The following SERPINA12 variants were observed in gnomAD, a reference collection of about 807,000 sequenced individuals.
SERPINA12 encodes the protein serpin family A member 12.
In SERPINA12, 21 loss-of-function variants were observed where a neutral mutation model predicts 25.9. The ratio of observed to expected loss-of-function variants is 0.81; its 90% CI spans 0.58 to 1.17. The LOEUF is 1.17. Among genes scored for constraint, SERPINA12 ranks in the 50% most tolerant of loss-of-function variants. The probability of loss-of-function intolerance (pLI) is 0.00; values close to 1 mark genes in which losing one functional copy is unlikely to be tolerated. For synonymous variants in SERPINA12, 220 were observed against 196.0 expected (o/e 1.12, Z -1.02); for missense variants, 562 against 508.3 (o/e 1.11, Z -1.02).
intron 4 of SERPINA12, among the ~76,000 whole-genome samples, 157 bp downstream of exon 4, chr14:94,489,463 G>A (rs1156924016): frequency 6.6e-6 from 1 of 152,192 alleles, no homozygotes; most frequent in African/African-American, 2.4e-5. Context: ...GGTTTGCCCA[G>A]GATCACGGGG....
chr14:94,492,573 G>C (rs138339141), intron 3 of SERPINA12, among the ~76,000 whole-genome samples: 168 of 152,338 alleles, frequency 1.1e-3, no homozygotes, highest in African/African-American at 3.5e-3. Context: ...ATTCAGAAGA[G>C]AGAAAAACAT....
intron 3 of SERPINA12, among the ~76,000 whole-genome samples, chr14:94,493,930 G>A (rs1384056975): frequency 6.6e-6 from 1 of 152,170 alleles, no homozygotes; most frequent in Non-Finnish European, 1.5e-5. Context: ...CAGCACCAGG[G>A]GCTGCAGAGG....
chr14:94,508,535 C>CAAGT (rs1311025577), intron 1 of SERPINA12, among the ~76,000 whole-genome samples: 2 of 151,984 alleles, frequency 1.3e-5, no homozygotes, highest in East Asian at 3.9e-4. Flanking sequence ...AATAAAATTA[C>CAAGT]AAGTGTTGGA....
At chr14:94,516,321 G>A (rs772368309) in intron 1 of SERPINA12, among the ~76,000 whole-genome samples, 1 of 152,172 alleles carries the variant, frequency 6.6e-6, no homozygotes, top group Non-Finnish European at 1.5e-5. Flanking sequence ...GTATGAGTTG[G>A]GGCAGAATGA....
intron 2 of SERPINA12, among the ~76,000 whole-genome samples, chr14:94,514,534 C>T (rs1263603360): frequency 1.4e-5 from 2 of 143,338 alleles, no homozygotes; most frequent in East Asian, 2.3e-4. Context: ...GGGCTGGGGT[C>T]GGGTGGGGAC....
intron 1 of SERPINA12, among the ~76,000 whole-genome samples, chr14:94,505,984 A>G (rs1040137129): frequency 6.6e-6 from 1 of 152,170 alleles, no homozygotes; most frequent in African/African-American, 2.4e-5. Flanking sequence ...AGTGAAGGAT[A>G]TAGGCATGGG....
At position 94,488,366 on chromosome 14, in the gene SERPINA12, C is replaced by A. The variant is rs141194945; in HGVS notation, c.1054-872G>T. Among the ~76,000 whole-genome samples the A allele has an allele frequency of 8.1e-3, 1,231 of 152,000 alleles. 12 individuals carry two copies. Among genetic ancestry groups the A allele is most frequent in the African/African-American group, 0.028 (1,176 of 41,448 alleles). On this transcript the variant is annotated intron_variant, in intron 4 of 4. Coordinates refer to ENST00000677451, the MANE Select transcript of SERPINA12 (RefSeq NM_001382267.1). ...ACTTTATCTCCACTAAGCACCCAAT[C>A]CCCACCACCCACTACTCCATGATAT...
chr14:94,493,712 C>T (rs1035557812), intron 3 of SERPINA12, among the ~76,000 whole-genome samples: 6 of 152,034 alleles, frequency 3.9e-5, no homozygotes, highest in East Asian at 1.9e-4. Flanking sequence ...CGCTTCTGTG[C>T]GCTGTAAGTT....
At chr14:94,500,122 A>G (rs1019103492) in intron 1 of SERPINA12, among the ~76,000 whole-genome samples, 1 of 152,206 alleles carries the variant, frequency 6.6e-6, no homozygotes, top group African/African-American at 2.4e-5. Context: ...CCCAGTTCCC[A>G]GGTTCTTCAT....
intron 4 of SERPINA12, among the ~76,000 whole-genome samples, chr14:94,488,400 C>T (rs1899992263): frequency 1.3e-5 from 2 of 151,898 alleles, no homozygotes; most frequent in East Asian, 2.0e-4. Flanking sequence ...ATCCAAAAAC[C>T]CCCAGCCTTG....
At position 94,496,739 on chromosome 14, in the gene SERPINA12, G is replaced by T. The variant is rs145149234; in HGVS notation, c.635-96C>A. On this transcript the variant is annotated intron_variant, in intron 2 of 4. Coordinates refer to ENST00000677451, the MANE Select transcript of SERPINA12 (RefSeq NM_001382267.1). ...TAGTCTCTCTCCACACAGATTCAGG[G>T]TGAAAGGGGATATTCCGGGATATCA... 3 of 1,034,418 alleles carry T rather than the reference G, an allele frequency of 2.9e-6. No homozygotes were observed. In the African/African-American group the frequency reaches 4.8e-5, roughly 16 times the overall value. The allele number at this position is 1,034,418 out of a possible 1,614,324, so 64.1% of individuals were successfully genotyped here. A position where few individuals can be genotyped will look rare whatever the true frequency, so the allele number is the denominator to read the frequency against.
chr14:94,503,505 C>T (rs1026461029), intron 1 of SERPINA12: 1 of 167,262 alleles, frequency 6.0e-6, no homozygotes, highest in African/African-American at 2.4e-5. Context: ...CAAGAACCTT[C>T]CAGCTGTTTG....
chr14:94,492,374 T>C (rs930953677), intron 3 of SERPINA12, among the ~76,000 whole-genome samples: 1 of 152,104 alleles, frequency 6.6e-6, no homozygotes, highest in Admixed American at 6.5e-5. Context: ...GCTTTTATGT[T>C]GGGAAAAATA....
upstream of SERPINA12, among the ~76,000 whole-genome samples, chr14:94,514,351 G>T (rs1307851432): frequency 1.3e-5 from 2 of 152,350 alleles, no homozygotes; most frequent in East Asian, 3.9e-4. Context: ...ACAGCCTTGG[G>T]CATGCCAGGC....
chr14:94,504,437 C>G (rs1900861547), intron 1 of SERPINA12, among the ~76,000 whole-genome samples: 4 of 152,226 alleles, frequency 2.6e-5, no homozygotes, highest in Admixed American at 2.6e-4. Context: ...GAATAGTCTA[C>G]AAGTAGATGA....
intron 2 of SERPINA12, 85 bp from the exon 3 acceptor site, chr14:94,496,728 A>G (rs1157282135): frequency 1.7e-6 from 2 of 1,151,754 alleles, no homozygotes; most frequent in Non-Finnish European, 2.5e-6. Context: ...CTCTCTCCAC[A>G]CAGATTCAGG....
In SERPINA12 at chr14:94,498,246, TG is replaced by T. The variant is rs1266921850; in HGVS notation, c.151del (p.Gln51ArgfsTer5). The T allele has an allele frequency of 1.2e-6, 2 of 1,614,122 alleles. No homozygotes were observed. The highest frequency in any genetic ancestry group is 1.7e-6 in the Non-Finnish European group (2 of 1,180,046). On this transcript the variant is annotated frameshift_variant, in exon 2 of 5. Coordinates refer to ENST00000677451, the MANE Select transcript of SERPINA12 (RefSeq NM_001382267.1). LOFTEE classifies it high-confidence loss of function. Reference protein sequence around the residue: ...QRMAAKELARQNMDLGFKLLK... With the variant: ...QRMAAKELARXNMDLGFKLLK... ...CAGCTTAAAGCCTAAGTCCATGTTC[TG>T]CCTTGCAAGCTCCTTGGCTGCCATC...
Position 94,497,834 on chromosome 14 carries a change from T to C in SERPINA12, c.564A>G (p.Lys188=). 1 of 1,614,124 alleles carries C rather than the reference T, an allele frequency of 6.2e-7. No individual in the cohort carries two copies. Among genetic ancestry groups the C allele is most frequent in the Non-Finnish European group, 8.5e-7 (1 of 1,180,012 alleles). Residue 188 remains lysine, a synonymous_variant, in exon 2 of 5, where the codon AAA becomes AAG. Coordinates refer to ENST00000677451, the MANE Select transcript of SERPINA12 (RefSeq NM_001382267.1). ...NDFISQKTHG[K]INNLIENIDP... ...CTATATTCTCGATCAGGTTGTTAAT[T>C]TTCCCATGGGTTTTTTGACTGATAA... is the stretch of plus-strand genomic sequence containing the variant.
At chr14:94,504,313 G>A (rs1393530219) in intron 1 of SERPINA12, 3 of 152,240 alleles carry the variant, frequency 2.0e-5, no homozygotes, top group Non-Finnish European at 4.4e-5. Context: ...TGTGGAGGCA[G>A]CGGCATGATA....
Sources: gnomAD v4.1 joint callset for allele counts (sites outside exome capture counted in the v4.1 genomes callset) on GRCh38, gnomAD v4.1.1 for gene constraint, MANE v1.5 for transcripts, NCBI Gene and HGNC (gene_info 2026-07-23, HGNC 2026-07-21) for gene names.